MAP3K5: variants seen among roughly 807,000 people sequenced by gnomAD.
The protein encoded by MAP3K5 is ASK-1.
In MAP3K5, 56 loss-of-function variants were observed where a neutral mutation model predicts 158.7. That is an observed-to-expected ratio of 0.35 (90% CI 0.28 to 0.44). The LOEUF (loss-of-function observed/expected upper bound fraction) is 0.44, where lower values mean the gene tolerates loss of function less well. Among genes scored for constraint, MAP3K5 ranks in the 20% least tolerant of loss-of-function variants. The pLI, the probability that MAP3K5 is intolerant of heterozygous loss-of-function variation, is 1.00. For missense variants in MAP3K5, 1,294 were observed against 1,674.8 expected, an observed-to-expected ratio of 0.77 and a Z score of 3.97; for synonymous variants, 579 against 601.7, an observed-to-expected ratio of 0.96 and a Z score of 0.55.
At position 136,744,572 on chromosome 6, in the gene MAP3K5, T is replaced by C. The variant is rs371316929; in HGVS notation, c.449-23983A>G. 2.2e-4 allele frequency among the ~76,000 whole-genome samples: 33 copies of C among 152,058 alleles called. 1 individual carries two copies. Among genetic ancestry groups the C allele is most frequent in the Admixed American group, 9.2e-4 (14 of 15,276 alleles). ...CAGTTTGGAAATCAGCAGCTCCCAATCCAGCAGCAGAAAGTAGAACTTCCA... is the reference window on the plus strand; with the variant it reads ...CAGTTTGGAAATCAGCAGCTCCCAACCCAGCAGCAGAAAGTAGAACTTCCA... On this transcript the variant is annotated intron_variant, in intron 1 of 29. Coordinates refer to ENST00000359015, the MANE Select transcript of MAP3K5 (RefSeq NM_005923.4).
intron 2 of MAP3K5, among the ~76,000 whole-genome samples, chr6:136,712,075 G>C (rs1781331467): frequency 6.6e-6 from 1 of 151,692 alleles, no homozygotes. Context: ...ATTTAAATAA[G>C]TATATCTTGG....
intron 28 of MAP3K5, among the ~76,000 whole-genome samples, chr6:136,559,373 A>G (rs752393874): frequency 1.6e-5 from 2 of 124,116 alleles, no homozygotes; most frequent in Non-Finnish European, 3.8e-5. Flanking sequence ...AACAAAAACA[A>G]AAACAAAAAC....
intron 11 of MAP3K5, among the ~76,000 whole-genome samples, chr6:136,647,612 A>G (rs1363511159): frequency 3.9e-5 from 6 of 151,984 alleles, no homozygotes; most frequent in African/African-American, 1.5e-4. Flanking sequence ...CCAACCAATC[A>G]TATCTCCCAC....
chr6:136,656,970 T>G (rs1389666131), intron 9 of MAP3K5, among the ~76,000 whole-genome samples: 1 of 152,218 alleles, frequency 6.6e-6, no homozygotes, highest in Admixed American at 6.5e-5. Context: ...CTCAATAACG[T>G]TGGTTATTTT....
In MAP3K5 at chr6:136,698,620, G is replaced by A. The variant is rs1780709685; in HGVS notation, c.675C>T (p.Cys225=). The A allele has an allele frequency of 6.2e-7, 1 of 1,614,018 alleles. No individual in the cohort carries two copies. The highest frequency in any genetic ancestry group is 1.7e-4 in the Middle Eastern group (1 of 6,060). Residue 225 remains cysteine (C), a synonymous_variant, in exon 4 of 30, where the codon TGC becomes TGT. Coordinates refer to ENST00000359015, the MANE Select transcript of MAP3K5 (RefSeq NM_005923.4). ...ACCCCTTCATGAAGCTGCTGTCACAGCAGTAGACTTTGTTATGTGGAGTTA... is the reference window on the plus strand; with the variant it reads ...ACCCCTTCATGAAGCTGCTGTCACAACAGTAGACTTTGTTATGTGGAGTTA... ...YMITPHNKVY[C]CDSSFMKGLT... is the part of the protein sequence containing the mutation.
Position 136,694,312 on chromosome 6 carries a change from T to G in MAP3K5, c.1083-2A>C. 2 of 1,607,126 alleles carry G rather than the reference T, an allele frequency of 1.2e-6. No individual in the cohort carries two copies. The highest frequency in any genetic ancestry group is 8.5e-7 in the Non-Finnish European group (1 of 1,178,888). ...GCTCTGTCACCAGGGAGATTTCTCCTAAGGCAGAAAACATTGTTGTTTCAA... is the reference window on the plus strand; with the variant it reads ...GCTCTGTCACCAGGGAGATTTCTCCGAAGGCAGAAAACATTGTTGTTTCAA... On this transcript the variant is annotated splice_acceptor_variant, in intron 6 of 29. Coordinates refer to ENST00000359015, the MANE Select transcript of MAP3K5 (RefSeq NM_005923.4). LOFTEE classifies it high-confidence loss of function.
At chr6:136,752,608 C>T (rs888045319) in intron 1 of MAP3K5, among the ~76,000 whole-genome samples, 3 of 152,132 alleles carry the variant, frequency 2.0e-5, no homozygotes, top group Non-Finnish European at 2.9e-5. Context: ...GATGGGGTTT[C>T]GCCATTTTGG....
intron 7 of MAP3K5, among the ~76,000 whole-genome samples, chr6:136,682,981 T>A (rs1779998342): frequency 6.6e-6 from 1 of 152,146 alleles, no homozygotes; most frequent in South Asian, 2.1e-4. Flanking sequence ...GGAAATTTAA[T>A]ATAGTCAATG....
rs1361390857 is a variant in MAP3K5, at chr6:136,592,573, C to G, written c.2920G>C (p.Glu974Gln). The change falls in exon 22 of 30, where the codon GAG becomes CAG. Residue 974 changes from glutamate to glutamine, a missense_variant. Physicochemically the swap from Glu to Gln is conservative, Grantham distance 29. This residue lies in a region of MAP3K5 where 362 missense variants were observed against 463.2 expected (regional missense o/e 0.78). Transcript: ENST00000359015. ...TACTCACTGCTGCTGCTGGTGTCCT[C>G]CACCAGCACAGGTACCGGCAAGGAT... ...SISLPVPVLV[E>Q]DTSSSSEYGS... The G allele has an allele frequency of 4.3e-6, 7 of 1,613,676 alleles. No individual in the cohort carries two copies. The highest frequency in any genetic ancestry group is 5.9e-6 in the Non-Finnish European group (7 of 1,179,826).
chr6:136,728,619 A>G (rs1782077192), intron 1 of MAP3K5, among the ~76,000 whole-genome samples: 2 of 152,212 alleles, frequency 1.3e-5, no homozygotes, highest in Admixed American at 1.3e-4. Flanking sequence ...ATGCAAATAT[A>G]TATCAACAGT....
chr6:136,573,936 T>C (rs1774480324), intron 25 of MAP3K5, among the ~76,000 whole-genome samples: 2 of 91,076 alleles, frequency 2.2e-5, no homozygotes, highest in South Asian at 5.6e-4. Flanking sequence ...TTTTCTTTCT[T>C]TTTTTTTTTT....
chr6:136,653,527 C>A (rs1246789942), intron 10 of MAP3K5, among the ~76,000 whole-genome samples: 4 of 152,162 alleles, frequency 2.6e-5, no homozygotes, highest in Non-Finnish European at 5.9e-5. Flanking sequence ...AAGATCGCCC[C>A]ACAGGTACTA....
At chr6:136,611,491 C>T in intron 17 of MAP3K5, 104 bp from the exon 18 acceptor site, 1 of 606,044 alleles carries the variant, frequency 1.7e-6, no homozygotes, top group Non-Finnish European at 3.1e-6. Context: ...GTCCTTACAG[C>T]TACCAACGAC....
chr6:136,770,927 A>G (rs1430709264), intron 1 of MAP3K5, among the ~76,000 whole-genome samples: 1 of 152,246 alleles, frequency 6.6e-6, no homozygotes, highest in Non-Finnish European at 1.5e-5. Context: ...TTAAAAACAA[A>G]GGGATAATAT....
In MAP3K5 at chr6:136,695,136, A is replaced by G. The variant is rs376524827; in HGVS notation, c.1082+815T>C. Reference sequence around the variant, plus strand: ...TTAAAATTTATTGTTTTGATGAAATATATTTAGTTTGTTTGTTTGGAGACA... The same window carrying G: ...TTAAAATTTATTGTTTTGATGAAATGTATTTAGTTTGTTTGTTTGGAGACA... On this transcript the variant is annotated intron_variant, in intron 6 of 29. Transcript: ENST00000359015. Among the ~76,000 whole-genome samples the G allele has an allele frequency of 1.2e-4, 18 of 152,060 alleles. No homozygotes were observed. In the East Asian group the frequency reaches 1.5e-3, roughly 13 times the overall value.
At chr6:136,694,905 C>T (rs142152999) in intron 6 of MAP3K5, among the ~76,000 whole-genome samples, 1,807 of 152,266 alleles carry the variant, frequency 0.012, 22 homozygotes, top group Middle Eastern at 0.051. Flanking sequence ...ATTCCTTAGA[C>T]CTTGAAAATA....
At chr6:136,602,456 A>G (rs146320501) in intron 19 of MAP3K5, among the ~76,000 whole-genome samples, 1 of 152,152 alleles carries the variant, frequency 6.6e-6, no homozygotes, top group African/African-American at 2.4e-5. Context: ...GGCATATGCC[A>G]CCACGCCTGG....
At chr6:136,742,013 G>A (rs1243465713) in intron 1 of MAP3K5, among the ~76,000 whole-genome samples, 1 of 152,102 alleles carries the variant, frequency 6.6e-6, no homozygotes, top group African/African-American at 2.4e-5. Context: ...AATAAATTGA[G>A]AGATATTCCA....
At chr6:136,563,545 A>G (rs1380240380) in intron 26 of MAP3K5, among the ~76,000 whole-genome samples, 1 of 152,148 alleles carries the variant, frequency 6.6e-6, no homozygotes, top group African/African-American at 2.4e-5. Context: ...AGTGGGTAAA[A>G]GGATAGCTGT....
Sources: gnomAD v4.1 joint callset for allele counts (sites outside exome capture counted in the v4.1 genomes callset) on GRCh38, gnomAD v4.1.1 for gene constraint, gnomAD v4.1.1 regional missense constraint, MANE v1.5 for transcripts, NCBI Gene and HGNC (gene_info 2026-07-23, HGNC 2026-07-21) for gene names.